ARHGEF37: variants seen among roughly 807,000 people sequenced by gnomAD.
The protein encoded by ARHGEF37 is Rho guanine nucleotide exchange factor 37, also known as Rho guanine nucleotide exchange factor (GEF) 37.
ARHGEF37 carries 55 observed loss-of-function variants against 71.1 expected under a neutral mutation model. That is an observed-to-expected ratio of 0.77 (90% confidence interval 0.62 to 0.97). ARHGEF37 has a LOEUF of 0.97. ARHGEF37 is among the 50% of genes least tolerant of loss of function. The pLI is 0.00. For synonymous variants in ARHGEF37, 327 were observed against 350.6 expected, an observed-to-expected ratio of 0.93 and a Z score of 0.75; for missense variants, 765 against 836.8, an observed-to-expected ratio of 0.91 and a Z score of 1.06.
chr5:149,558,947 C>G (rs1471151941), intron 1 of ARHGEF37, among the ~76,000 whole-genome samples: 3 of 152,088 alleles, frequency 2.0e-5, no homozygotes, highest in Non-Finnish European at 4.4e-5. Flanking sequence ...GCATATCACA[C>G]TACTGCATTC....
chr5:149,562,364 A>G (rs973664629), intron 1 of ARHGEF37, among the ~76,000 whole-genome samples: 3 of 152,204 alleles, frequency 2.0e-5, no homozygotes, highest in African/African-American at 7.2e-5. Flanking sequence ...AGAGCTAGGT[A>G]ACTGCAGCTA....
chr5:149,634,961 G>A lies in ARHGEF37; in HGVS notation c.*2770G>A, dbSNP rs1752990755. 1 of 152,216 alleles carries A rather than the reference G, an allele frequency of 6.6e-6. No individual in the cohort carries two copies. The highest frequency in any genetic ancestry group is 1.9e-4 in the East Asian group (1 of 5,204). The allele number at this position is 152,216 out of a possible 1,614,324, so 9.4% of individuals were successfully genotyped here. A position where few individuals can be genotyped will look rare whatever the true frequency, so the allele number is the denominator to read the frequency against. On this transcript the variant is annotated 3_prime_UTR_variant, in exon 13 of 13. Transcript: ENST00000333677. ...ACTGCTGGGAATAAAGGACTTCAAA[G>A]ATGGAAAGTCTCTGGAATTTGTGTG...
At chr5:149,563,843 CT>C (rs1043425809) in intron 1 of ARHGEF37, among the ~76,000 whole-genome samples, 7 of 151,288 alleles carry the variant, frequency 4.6e-5, no homozygotes, top group Non-Finnish European at 1.5e-5. Flanking sequence ...CTAGATTATT[CT>C]AAAGGTTTTA....
intron 4 of ARHGEF37, among the ~76,000 whole-genome samples, chr5:149,612,293 G>C (rs551343486): frequency 1.3e-5 from 2 of 152,078 alleles, no homozygotes; most frequent in Admixed American, 1.3e-4. Context: ...TCAGCCTCCC[G>C]AGTAGCTGGG....
intron 1 of ARHGEF37, among the ~76,000 whole-genome samples, chr5:149,593,684 C>A (rs1369715937): frequency 1.3e-5 from 2 of 152,088 alleles, no homozygotes; most frequent in Non-Finnish European, 2.9e-5. Context: ...ATACTGTATT[C>A]TTAAAGTAAG....
chr5:149,554,383 C>T (rs1416617088), intron 1 of ARHGEF37, among the ~76,000 whole-genome samples: 1 of 152,130 alleles, frequency 6.6e-6, no homozygotes, highest in East Asian at 1.9e-4. Flanking sequence ...TCTAATCCTC[C>T]TCGCCTTTTT....
intron 1 of ARHGEF37, among the ~76,000 whole-genome samples, chr5:149,552,522 A>T (rs1029682422): frequency 6.6e-6 from 1 of 152,224 alleles, no homozygotes; most frequent in African/African-American, 2.4e-5. Context: ...AGCTAAGCCT[A>T]TCCTAAATAA....
In ARHGEF37 at chr5:149,618,591, C is replaced by T. The variant is rs1460354476; in HGVS notation, c.789+285C>T. 2.0e-5 allele frequency among the ~76,000 whole-genome samples: 3 copies of T among 152,230 alleles called. No homozygotes were observed. In the East Asian group the frequency reaches 5.8e-4, roughly 29 times the overall value. ...ACCAGCCCTAAATAGCTACTTCTAG[C>T]AGCACAGGTTGGTGGAGTGCCTGCT... On this transcript the variant is annotated intron_variant, in intron 6 of 12. Transcript: ENST00000333677.
intron 1 of ARHGEF37, among the ~76,000 whole-genome samples, chr5:149,570,680 AC>A (rs1192622188): frequency 6.6e-6 from 1 of 151,470 alleles, no homozygotes; most frequent in Non-Finnish European, 1.5e-5. Flanking sequence ...GTTCAAGACC[AC>A]CCTGGCCAAT....
chr5:149,612,567 A>G (rs1230752478), intron 4 of ARHGEF37, among the ~76,000 whole-genome samples: 1 of 152,258 alleles, frequency 6.6e-6, no homozygotes, highest in Non-Finnish European at 1.5e-5. Flanking sequence ...CAGTATTATG[A>G]TATATGACTG....
chr5:149,599,079 A>G (rs1305138965), intron 2 of ARHGEF37, among the ~76,000 whole-genome samples: 1 of 152,292 alleles, frequency 6.6e-6, no homozygotes, highest in East Asian at 1.9e-4. Flanking sequence ...CCCTCACTCA[A>G]GCTTTCCACA....
upstream of ARHGEF37, among the ~76,000 whole-genome samples, chr5:149,580,763 AAATAAG>A (rs1350152127): frequency 2.0e-5 from 3 of 152,192 alleles, no homozygotes; most frequent in Non-Finnish European, 4.4e-5. Context: ...CTAAAAATGA[AAATAAG>A]AATAAAAGAA....
At chr5:149,597,353 G>T (rs556930364) in intron 1 of ARHGEF37, among the ~76,000 whole-genome samples, 5 of 152,186 alleles carry the variant, frequency 3.3e-5, no homozygotes, top group Non-Finnish European at 5.9e-5. Context: ...TGCCTCCCGG[G>T]TTCAAGTGAT....
chr5:149,592,531 A>T (rs1247524961), intron 1 of ARHGEF37, among the ~76,000 whole-genome samples: 2 of 152,210 alleles, frequency 1.3e-5, no homozygotes, highest in African/African-American at 4.8e-5. Context: ...TGTTTGTTTA[A>T]CCATCATCTA....
At chr5:149,561,397 C>T (rs1762828653) in intron 1 of ARHGEF37, among the ~76,000 whole-genome samples, 1 of 151,966 alleles carries the variant, frequency 6.6e-6, no homozygotes, top group South Asian at 2.1e-4. Context: ...AAAGTCCTTG[C>T]ATAGATTTTC....
rs1028558506 is a variant in ARHGEF37 at position 149,558,872 on chromosome 5, T to C, written c.-12+6749T>C. Among the ~76,000 whole-genome samples, 5 of 152,312 alleles carry C rather than the reference T, an allele frequency of 3.3e-5. No homozygotes were observed. The East Asian group carries it at 9.6e-4, about 29-fold the overall frequency. On this transcript the variant is annotated intron_variant, in intron 1 of 2. Transcript: ENST00000505810. ...AGGTAATCACCAAATGTTAACATTT[T>C]GCTGTATAAAATTCCAGCATTTTTC... is the stretch of plus-strand genomic sequence containing the variant.
intron 2 of ARHGEF37, 152 bp downstream of exon 2, chr5:149,598,107 T>C (rs1159401792): frequency 2.1e-6 from 2 of 960,168 alleles, no homozygotes; most frequent in African/African-American, 3.4e-5. Context: ...GCCCCAGTAC[T>C]TCTTTTCCTT....
intron 1 of ARHGEF37, among the ~76,000 whole-genome samples, chr5:149,559,729 CA>C (rs1762804455): frequency 6.6e-6 from 1 of 152,134 alleles, no homozygotes; most frequent in Non-Finnish European, 1.5e-5. Context: ...TCAATCTTTT[CA>C]TTTATCTTTA....
intron 9 of ARHGEF37, among the ~76,000 whole-genome samples, chr5:149,622,637 C>T (rs1185406375): frequency 4.6e-5 from 7 of 152,134 alleles, no homozygotes; most frequent in East Asian, 3.9e-4. Context: ...TAATAGCAAG[C>T]ATTGAACTCT....
Sources: allele counts gnomAD v4.1 joint callset (sites outside exome capture counted in the v4.1 genomes callset), GRCh38; gene constraint gnomAD v4.1.1; transcripts MANE v1.5; gene names NCBI Gene and HGNC (gene_info 2026-07-23, HGNC 2026-07-21).